The following TBCD variants were observed in gnomAD, a reference collection of about 807,000 sequenced individuals.
TBCD encodes the protein tubulin folding cofactor D.
In TBCD, 105 loss-of-function variants were observed where a neutral mutation model predicts 169.3. The ratio of observed to expected loss-of-function variants is 0.62; its 90% CI spans 0.53 to 0.73. The LOEUF (loss-of-function observed/expected upper bound fraction) is 0.73. TBCD is among the 30% of genes least tolerant of loss of function. The probability of loss-of-function intolerance (pLI) is 0.00; values close to 1 mark genes in which losing one functional copy is unlikely to be tolerated. For missense variants in TBCD, 1,444 were observed against 1,600.1 expected, an observed-to-expected ratio of 0.90 and a Z score of 1.66; for synonymous variants, 700 against 643.9, an observed-to-expected ratio of 1.09 and a Z score of -1.32.
At chr17:82,762,338 A>G (rs1380164376) in intron 2 of TBCD, among the ~76,000 whole-genome samples, 2 of 150,264 alleles carry the variant, frequency 1.3e-5, no homozygotes, top group East Asian at 2.0e-4. Flanking sequence ...AAAAAAAGTA[A>G]TGCTACTGTG....
At chr17:82,921,101 C>T (rs1228051771) in intron 24 of TBCD, 1 of 252,234 alleles carries the variant, frequency 4.0e-6, no homozygotes, top group East Asian at 9.6e-5. Context: ...GAAGTTAGGA[C>T]TTTTTTTTTG....
At chr17:82,941,300 T>C in intron 37 of TBCD, 99 bp from the exon 38 acceptor site, 1 of 1,049,934 alleles carries the variant, frequency 9.5e-7, no homozygotes. Context: ...AGGTCTCCTT[T>C]CCCTGACTGC....
At position 82,766,256 on chromosome 17, in the gene TBCD, T is replaced by C. The variant is rs2048010302; in HGVS notation, c.334-11T>C. ...TTAAATGTTATAATTCAGCATCTCTTTATTTGATAGGTTCGAGGCTATAAA... is the reference window on the plus strand; with the variant it reads ...TTAAATGTTATAATTCAGCATCTCTCTATTTGATAGGTTCGAGGCTATAAA... On this transcript the variant is annotated splice_polypyrimidine_tract_variant and intron_variant, in intron 3 of 38. Coordinates refer to ENST00000355528, the MANE Select transcript of TBCD (RefSeq NM_005993.5). 3 of 1,599,064 alleles carry C rather than the reference T, an allele frequency of 1.9e-6. No homozygotes were observed. The highest frequency in any genetic ancestry group is 4.5e-5 in the East Asian group (2 of 44,628).
chr17:82,860,317 G>A (rs896372228), intron 13 of TBCD: 12 of 961,820 alleles, frequency 1.2e-5, no homozygotes, highest in Non-Finnish European at 1.4e-5. Context: ...GCTGCGCTGA[G>A]CGTCCCCTCC....
chr17:82,901,385 C>T (rs537388237), intron 18 of TBCD, among the ~76,000 whole-genome samples: 1 of 152,268 alleles, frequency 6.6e-6, no homozygotes, highest in South Asian at 2.1e-4. Context: ...GGTGCGAGTC[C>T]AGAATCTCAG....
Position 82,763,981 on chromosome 17 carries a change from G to T in TBCD, c.252G>T (p.Leu84Phe), listed in dbSNP as rs776631367. 4 of 1,613,764 alleles carry T rather than the reference G, an allele frequency of 2.5e-6. No individual in the cohort carries two copies. The highest frequency in any genetic ancestry group is 3.4e-6 in the Non-Finnish European group (4 of 1,179,780). The change falls in exon 3 of 39, where the codon TTG becomes TTT. Residue 84 changes from leucine to phenylalanine, a missense_variant. Physicochemically the swap from Leu to Phe is conservative, Grantham distance 22 (BLOSUM62 0). Transcript: ENST00000355528. ...TTTCCCTAGAATGGATGATGAACTT[G>T]TTGTTGGACATAGTGCAAGATCAGA... The part of the protein sequence containing the change: ...LDPHLEWMMN[L>F]LLDIVQDQTS...
At chr17:82,921,449 G>C (rs74364230) in intron 24 of TBCD, 52 bp from the exon 25 acceptor site, 1 of 1,461,780 alleles carries the variant, frequency 6.8e-7, no homozygotes, top group Non-Finnish European at 9.6e-7. Context: ...TGTTGTTTTT[G>C]ATTTCATGGT....
intron 23 of TBCD, among the ~76,000 whole-genome samples, chr17:82,919,217 C>T (rs1441633870): frequency 6.6e-6 from 1 of 152,186 alleles, no homozygotes; most frequent in Admixed American, 6.5e-5. Flanking sequence ...GTCCCAGCAG[C>T]CCCTCGCTGG....
intron 35 of TBCD, 36 bp from the exon 36 acceptor site, chr17:82,938,013 T>G: frequency 1.2e-6 from 2 of 1,610,064 alleles, no homozygotes; most frequent in Non-Finnish European, 1.7e-6. Context: ...CTGCGCGGGG[T>G]GGGGCTCACC....
In TBCD at chr17:82,868,723, T is replaced by C. The variant is rs116536197; in HGVS notation, c.1319-1501T>C. Among the ~76,000 whole-genome samples the C allele has an allele frequency of 8.8e-3, 1,337 of 152,300 alleles. 17 individuals are homozygous for C. Among genetic ancestry groups the C allele is most frequent in the African/African-American group, 0.031 (1,294 of 41,562 alleles). On this transcript the variant is annotated intron_variant, in intron 13 of 38. Coordinates refer to ENST00000355528, the MANE Select transcript of TBCD (RefSeq NM_005993.5). ...GTAGTCCTACAGTTGTTGCTTATGG[T>C]GTTTTGCCTAAGACCATTTCTAGGT...
In TBCD at chr17:82,802,524, G is replaced by A. The variant is rs116558139; in HGVS notation, c.950+1528G>A. On this transcript the variant is annotated intron_variant, in intron 9 of 38. Transcript: ENST00000355528. ...GCCCATAGGATGTGTGTGTGTCGGCGAGGCTGTGAGCTGGAGACCAGGAGA... is the reference window on the plus strand; with the variant it reads ...GCCCATAGGATGTGTGTGTGTCGGCAAGGCTGTGAGCTGGAGACCAGGAGA... Among the ~76,000 whole-genome samples the A allele has an allele frequency of 7.6e-3, 1,165 of 152,336 alleles. 14 individuals carry two copies. Among genetic ancestry groups the A allele is most frequent in the African/African-American group, 0.027 (1,122 of 41,560 alleles).
chr17:82,854,385 G>A (rs2056075861), intron 13 of TBCD, among the ~76,000 whole-genome samples: 1 of 152,222 alleles, frequency 6.6e-6, no homozygotes, highest in South Asian at 2.1e-4. Flanking sequence ...CGTCCACAAA[G>A]GGCGATGAAA....
chr17:82,845,151 A>G (rs2054903583), intron 13 of TBCD, among the ~76,000 whole-genome samples: 1 of 152,186 alleles, frequency 6.6e-6, no homozygotes, highest in Non-Finnish European at 1.5e-5. Context: ...AGGGGCACAC[A>G]GGCTGGAAGT....
At chr17:82,814,558 C>T (rs1393365794) in intron 12 of TBCD, among the ~76,000 whole-genome samples, 2 of 152,212 alleles carry the variant, frequency 1.3e-5, no homozygotes, top group Non-Finnish European at 2.9e-5. Flanking sequence ...CTCTGTCACC[C>T]AGGCTAGAGT....
intron 13 of TBCD, among the ~76,000 whole-genome samples, chr17:82,821,342 CA>C (rs2052398575): frequency 2.2e-5 from 1 of 46,318 alleles, no homozygotes; most frequent in Non-Finnish European, 4.6e-5. Flanking sequence ...GATCTGTGAG[CA>C]TATTTTTGTC....
chr17:82,860,042 C>T (rs1429286391), intron 13 of TBCD, among the ~76,000 whole-genome samples: 1 of 152,206 alleles, frequency 6.6e-6, no homozygotes, highest in Non-Finnish European at 1.5e-5. Context: ...AGTGCCTGTG[C>T]CAGGGACACT....
intron 1 of TBCD, among the ~76,000 whole-genome samples, chr17:82,753,986 C>G (rs2047266183): frequency 2.0e-5 from 3 of 151,156 alleles, no homozygotes; most frequent in African/African-American, 7.3e-5. Flanking sequence ...AAGTGATTCT[C>G]CTGCCTCAGC....
intron 13 of TBCD, among the ~76,000 whole-genome samples, chr17:82,868,906 G>A (rs973538500): frequency 6.6e-6 from 1 of 152,042 alleles, no homozygotes; most frequent in Non-Finnish European, 1.5e-5. Flanking sequence ...TGCGTGGAGC[G>A]GGTCGTGTGC....
intron 13 of TBCD, among the ~76,000 whole-genome samples, chr17:82,863,395 T>TGGCCAGGCTCC (rs2056928716): frequency 6.6e-6 from 1 of 152,130 alleles, no homozygotes; most frequent in African/African-American, 2.4e-5. Flanking sequence ...GTGATGAGGG[T>TGGCCAGGCTCC]GGCCAGGCTC....
Sources: allele counts gnomAD v4.1 joint callset (sites outside exome capture counted in the v4.1 genomes callset), GRCh38; gene constraint gnomAD v4.1.1; transcripts MANE v1.5; gene names NCBI Gene and HGNC (gene_info 2026-07-23, HGNC 2026-07-21).